The following CDH6 variants were observed in gnomAD, a reference collection of about 807,000 sequenced individuals.
CDH6 encodes cadherin 6.
A neutral mutation model predicts 78.0 loss-of-function variants in CDH6; 31 were observed. That is an observed-to-expected ratio of 0.40 (90% confidence interval 0.30 to 0.54). The LOEUF (loss-of-function observed/expected upper bound fraction) is 0.54, where lower values mean the gene tolerates loss of function less well. Among genes scored for constraint, CDH6 ranks in the 20% least tolerant of loss-of-function variants. The pLI is 0.56. For missense variants in CDH6, 724 were observed against 975.9 expected (o/e 0.74, Z 3.44); for synonymous variants, 376 against 368.8 (o/e 1.02, Z -0.23).
intron 7 of CDH6, among the ~76,000 whole-genome samples, chr5:31,310,536 G>T (rs1738119077): frequency 6.6e-6 from 1 of 152,214 alleles, no homozygotes; most frequent in Non-Finnish European, 1.5e-5. Context: ...TGTGGACTCT[G>T]TGTGGGGGCT....
intron 2 of CDH6, among the ~76,000 whole-genome samples, chr5:31,279,774 G>A (rs1285339350): frequency 8.5e-5 from 13 of 152,106 alleles, no homozygotes; most frequent in African/African-American, 7.2e-5. Context: ...ATAAGTGGAC[G>A]CATACAGTTC....
chr5:31,216,309 T>C (rs1740861670), intron 1 of CDH6, among the ~76,000 whole-genome samples: 1 of 152,186 alleles, frequency 6.6e-6, no homozygotes. Context: ...CAGCAATCTA[T>C]GGCTCTCAGG....
At chr5:31,279,434 C>T (rs967118563) in intron 2 of CDH6, among the ~76,000 whole-genome samples, 1 of 151,836 alleles carries the variant, frequency 6.6e-6, no homozygotes, top group Non-Finnish European at 1.5e-5. Context: ...AAAAAATTAG[C>T]CAGGCGTGGT....
rs1427129228 is a variant in CDH6, at chr5:31,328,564, G to A, written c.*5256G>A. The A allele has an allele frequency of 4.8e-6, 1 of 206,338 alleles. No homozygotes were observed. The highest frequency in any genetic ancestry group is 9.9e-6 in the Non-Finnish European group (1 of 101,116). 12.8% of individuals were successfully genotyped at this position (206,338 alleles called of 1,614,324 possible). ...TTGAGAGTGAACTGCCTAAGAGTAG[G>A]CCTTATAATAAATGCTATGTGCGTC... On this transcript the variant is annotated 3_prime_UTR_variant, in exon 12 of 12. Coordinates refer to ENST00000265071, the MANE Select transcript of CDH6 (RefSeq NM_004932.4).
In CDH6 at chr5:31,273,959, C is replaced by T. The variant is rs139483417; in HGVS notation, c.228+6258C>T. Among the ~76,000 whole-genome samples the T allele has an allele frequency of 5.3e-5, 8 of 152,212 alleles. No homozygotes were observed. In the East Asian group the frequency reaches 1.2e-3, roughly 22 times the overall value. On this transcript the variant is annotated intron_variant, in intron 2 of 11. Transcript: ENST00000265071. ...CCCTTGATAACCCTCTCTAAACTTC[C>T]GTTCTGGTTCAATGACCTGCAATAA... is the stretch of plus-strand genomic sequence containing the variant.
intron 2 of CDH6, among the ~76,000 whole-genome samples, chr5:31,291,853 C>A (rs10472770): frequency 0.085 from 13,013 of 152,230 alleles, 674 homozygotes; most frequent in African/African-American, 0.14. Context: ...TTTCTGATTG[C>A]ATTTATCTCA....
chr5:31,199,532 A>G (rs528445966), intron 1 of CDH6, among the ~76,000 whole-genome samples: 24 of 137,602 alleles, frequency 1.7e-4, no homozygotes, highest in South Asian at 1.2e-3. Flanking sequence ...ACATATGTGT[A>G]TATATATGTA....
At chr5:31,203,241 T>A (rs1210075981) in intron 1 of CDH6, among the ~76,000 whole-genome samples, 1 of 133,986 alleles carries the variant, frequency 7.5e-6, no homozygotes, top group Non-Finnish European at 1.6e-5. Flanking sequence ...TCCTTTTTTT[T>A]TTTTATTTAT....
At chr5:31,221,925 C>A (rs1741013352) in intron 1 of CDH6, among the ~76,000 whole-genome samples, 1 of 152,010 alleles carries the variant, frequency 6.6e-6, no homozygotes, top group Non-Finnish European at 1.5e-5. Flanking sequence ...GGGATCAAAT[C>A]TGCTAGACTT....
chr5:31,256,147 C>T (rs537367003), intron 1 of CDH6, among the ~76,000 whole-genome samples: 8 of 152,130 alleles, frequency 5.3e-5, no homozygotes, highest in African/African-American at 1.9e-4. Flanking sequence ...CTTTAAATTC[C>T]CCATCTTTAA....
chr5:31,210,918 T>C (rs1740687807), intron 1 of CDH6, among the ~76,000 whole-genome samples: 1 of 152,216 alleles, frequency 6.6e-6, no homozygotes, highest in South Asian at 2.1e-4. Context: ...AAGGATTCAA[T>C]GGAATTCTAT....
Position 31,209,285 on chromosome 5 carries a change from T to C in CDH6, c.-129+15399T>C, listed in dbSNP as rs192237694. On this transcript the variant is annotated intron_variant, in intron 1 of 11. Transcript: ENST00000265071. The stretch of plus-strand genomic sequence containing the variant: ...ACTTCCAAGGAAAAGGAGTAGAAAC[T>C]ACAGGCTCAAAAAAATGAGATCAGT... Among the ~76,000 whole-genome samples the C allele has an allele frequency of 5.9e-5, 9 of 152,210 alleles. No homozygotes were observed. In the East Asian group the frequency reaches 1.7e-3, roughly 29 times the overall value.
chr5:31,275,839 A>G (rs532250923), intron 2 of CDH6, among the ~76,000 whole-genome samples: 7 of 152,226 alleles, frequency 4.6e-5, no homozygotes, highest in Non-Finnish European at 1.0e-4. Flanking sequence ...ATACATTGTA[A>G]CCAGAATTAT....
intron 7 of CDH6, 96 bp from the exon 8 acceptor site, chr5:31,313,222 G>T: frequency 9.2e-7 from 1 of 1,092,800 alleles, no homozygotes. Flanking sequence ...CAGATACTCT[G>T]GGATATGATG....
intron 1 of CDH6, chr5:31,250,045 A>T (rs1741867045): frequency 6.6e-6 from 1 of 152,268 alleles, no homozygotes; most frequent in African/African-American, 2.4e-5. Context: ...CAGAGAACAC[A>T]ACACCTCAGA....
Position 31,317,431 on chromosome 5 carries a change from T to A in CDH6, c.1569T>A (p.Phe523Leu). ...DKDDPYSGHQ[F>L]SFSLAPEAAS... ...ATGACCCTTATAGTGGACACCAATT[T>A]TCGTTTTCCTTGGCCCCTGAAGCAG... Residue 523 changes from phenylalanine to leucine, a missense_variant, in exon 10 of 12, where the codon TTT becomes TTA. Physicochemically the swap from Phe to Leu is conservative, Grantham distance 22. This residue lies in a region of CDH6 where 446 missense variants were observed against 684.5 expected (regional missense o/e 0.65). Transcript: ENST00000265071. 1 of 1,613,172 alleles carries A rather than the reference T, an allele frequency of 6.2e-7. No individual in the cohort carries two copies. Among genetic ancestry groups the A allele is most frequent in the Non-Finnish European group, 8.5e-7 (1 of 1,179,146 alleles).
At chr5:31,256,190 G>A (rs1412402228) in intron 1 of CDH6, among the ~76,000 whole-genome samples, 1 of 152,124 alleles carries the variant, frequency 6.6e-6, no homozygotes, top group Non-Finnish European at 1.5e-5. Flanking sequence ...TTTTAGTGAT[G>A]TTGTAAACAA....
At chr5:31,263,197 C>T (rs1742254385) in intron 1 of CDH6, among the ~76,000 whole-genome samples, 1 of 151,516 alleles carries the variant, frequency 6.6e-6, no homozygotes, top group Admixed American at 6.6e-5. Flanking sequence ...GGTGGGGACT[C>T]TCTGCATAGT....
intron 1 of CDH6, among the ~76,000 whole-genome samples, chr5:31,237,457 G>T (rs1235489758): frequency 6.6e-6 from 1 of 152,050 alleles, no homozygotes. Context: ...TCACATCAGG[G>T]TCAAGGGCAG....
Sources: gnomAD v4.1 joint callset for allele counts (sites outside exome capture counted in the v4.1 genomes callset) on GRCh38, gnomAD v4.1.1 for gene constraint, gnomAD v4.1.1 regional missense constraint, MANE v1.5 for transcripts, NCBI Gene and HGNC (gene_info 2026-07-23, HGNC 2026-07-21) for gene names.